KICS2: variants seen among roughly 807,000 people sequenced by gnomAD.
KICS2 encodes KICSTOR subunit 2.
Under a neutral mutation model 31.4 loss-of-function variants are expected in KICS2, and 13 were observed. The ratio of observed to expected loss-of-function variants is 0.41; its 90% CI spans 0.27 to 0.66. The LOEUF (loss-of-function observed/expected upper bound fraction) is 0.66. Among genes scored for constraint, KICS2 ranks in the 30% least tolerant of loss-of-function variants. The pLI is 0.28. For missense variants in KICS2, 455 were observed against 545.4 expected, an observed-to-expected ratio of 0.83 and a Z score of 1.65; for synonymous variants, 209 against 214.8, an observed-to-expected ratio of 0.97 and a Z score of 0.24.
chr12:64,202,508 C>T (rs1052822901), intron 2 of KICS2, among the ~76,000 whole-genome samples: 2 of 151,696 alleles, frequency 1.3e-5, no homozygotes, highest in Non-Finnish European at 1.5e-5. Context: ...TTACTATGTA[C>T]AATGTACTCT....
downstream of KICS2, among the ~76,000 whole-genome samples, chr12:64,188,959 C>T (rs958176689): frequency 7.9e-5 from 12 of 152,074 alleles, no homozygotes; most frequent in African/African-American, 2.7e-4. Flanking sequence ...TGGAGACCAT[C>T]CTGGCCAACA....
At position 64,215,694 on chromosome 12, in the gene KICS2, T is replaced by TC; in HGVS notation, c.504dup (p.Lys169GlufsTer24). Reference sequence around the variant, plus strand: ...CACACTGACCTGGAGCTGTATTTTTTCATGATGGCATCCAAAAGGCCAACG... The same window carrying TC: ...CACACTGACCTGGAGCTGTATTTTTTCCATGATGGCATCCAAAAGGCCAACG... On this transcript the variant is annotated frameshift_variant, in exon 2 of 3. Coordinates refer to ENST00000398055, the MANE Select transcript of KICS2 (RefSeq NM_152440.5). LOFTEE classifies it high-confidence loss of function. 1 of 1,613,366 alleles carries TC rather than the reference T, an allele frequency of 6.2e-7. No homozygotes were observed.
At chr12:64,213,909 T>C (rs368214252) in intron 2 of KICS2, among the ~76,000 whole-genome samples, 244 of 152,332 alleles carry the variant, frequency 1.6e-3, no homozygotes, top group African/African-American at 4.9e-3. Context: ...TCATTATTCC[T>C]GCCATCCTGT....
At chr12:64,203,693 ATT>A (rs1172368483) in intron 2 of KICS2, among the ~76,000 whole-genome samples, 1 of 152,096 alleles carries the variant, frequency 6.6e-6, no homozygotes, top group Non-Finnish European at 1.5e-5. Flanking sequence ...TGTATCTAGA[ATT>A]TTTAAAAAAA....
At chr12:64,189,969 GA>G (rs886901377), downstream of KICS2, among the ~76,000 whole-genome samples, 3 of 149,248 alleles carry the variant, frequency 2.0e-5, no homozygotes, top group East Asian at 1.9e-4. Flanking sequence ...GTAACCAAAG[GA>G]AAAAAAAAGA....
chr12:64,209,062 A>G (rs2037562904), intron 2 of KICS2, among the ~76,000 whole-genome samples: 1 of 152,130 alleles, frequency 6.6e-6, no homozygotes, highest in Non-Finnish European at 1.5e-5. Context: ...GCTTCTTTGG[A>G]AAACAAAAAC....
chr12:64,196,108 G>A (rs1206563593), intron 2 of KICS2, among the ~76,000 whole-genome samples: 1 of 152,232 alleles, frequency 6.6e-6, no homozygotes, highest in African/African-American at 2.4e-5. Flanking sequence ...ACAGCTCAAG[G>A]AGGCCTGCCT....
intron 2 of KICS2, among the ~76,000 whole-genome samples, chr12:64,196,637 C>G (rs1483173752): frequency 6.8e-6 from 1 of 148,130 alleles, no homozygotes; most frequent in Non-Finnish European, 1.5e-5. Flanking sequence ...AGGCTTCAGA[C>G]GATCAAATTA....
chr12:64,207,188 C>T (rs1347236962), intron 2 of KICS2, among the ~76,000 whole-genome samples: 1 of 151,220 alleles, frequency 6.6e-6, no homozygotes, highest in Non-Finnish European at 1.5e-5. Context: ...CCTGTAGTCC[C>T]AGCTACTCGG....
chr12:64,195,019 C>G (rs1469221981), intron 2 of KICS2, among the ~76,000 whole-genome samples: 1 of 151,770 alleles, frequency 6.6e-6, no homozygotes, highest in East Asian at 1.9e-4. Context: ...TCATGGCTCA[C>G]TGCAGCTCAG....
chr12:64,215,736 T>G lies in KICS2; in HGVS notation c.463A>C (p.Ile155Leu), dbSNP rs1254456020. The change falls in exon 2 of 3, where the codon ATC becomes CTC. Residue 155 changes from isoleucine (I) to leucine (L), a missense_variant. Physicochemically the swap from Ile to Leu is conservative, Grantham distance 5 (BLOSUM62 2). Coordinates refer to ENST00000398055, the MANE Select transcript of KICS2 (RefSeq NM_152440.5). ...KMYTLSTQKF[I>L]NAEELVGLLD... is the part of the protein sequence containing the mutation. ...AGGCCAACGAGCTCTTCAGCATTGA[T>G]GAACTTCTGTGTGCTGAGGGTGTAC... The G allele has an allele frequency of 6.8e-6, 11 of 1,613,960 alleles. No homozygotes were observed. The highest frequency in any genetic ancestry group is 1.7e-5 in the Admixed American group (1 of 59,988).
At chr12:64,210,773 T>G (rs769999935) in intron 2 of KICS2, among the ~76,000 whole-genome samples, 1 of 151,956 alleles carries the variant, frequency 6.6e-6, no homozygotes, top group African/African-American at 2.4e-5. Flanking sequence ...CAAGACCTCA[T>G]CTCGAAATAA....
chr12:64,213,897 T>C (rs2037604965), intron 2 of KICS2, among the ~76,000 whole-genome samples: 1 of 152,176 alleles, frequency 6.6e-6, no homozygotes, highest in South Asian at 2.1e-4. Flanking sequence ...GACAGCAACC[T>C]CTCATTATTC....
In KICS2 at chr12:64,222,272, C is replaced by G; in HGVS notation, c.-35G>C. ...GCCCCAGCTCGACCCACGTGGCTCT[C>G]CTCGGCCTCGCACTTCCGGGTTCTG... is the stretch of plus-strand genomic sequence containing the variant. On this transcript the variant is annotated 5_prime_UTR_variant, in exon 1 of 3. Transcript: ENST00000398055. 6.2e-7 allele frequency: 1 copy of G among 1,605,798 alleles called. No individual in the cohort carries two copies. The highest frequency in any genetic ancestry group is 8.5e-7 in the Non-Finnish European group (1 of 1,176,300).
chr12:64,220,399 A>T (rs1420956607), intron 1 of KICS2, among the ~76,000 whole-genome samples: 2 of 152,192 alleles, frequency 1.3e-5, no homozygotes, highest in African/African-American at 4.8e-5. Context: ...AGAGTAGCAG[A>T]TTTTTTTAAA....
At position 64,193,590 on chromosome 12, in the gene KICS2, A is replaced by G; in HGVS notation, c.*252T>C. 8.1e-7 allele frequency: 1 copy of G among 1,232,806 alleles called. No individual in the cohort carries two copies. The allele number at this position is 1,232,806 out of a possible 1,614,324, so 76.4% of individuals were successfully genotyped here. A position where few individuals can be genotyped will look rare whatever the true frequency, so the allele number is the denominator to read the frequency against. On this transcript the variant is annotated 3_prime_UTR_variant, in exon 3 of 3. Transcript: ENST00000398055. ...TACAAGAAATATAGCAAAATAGGGG[A>G]AAATACTGAAACTACTTTGCTGTAC... is the stretch of plus-strand genomic sequence containing the variant.
At chr12:64,213,324 T>C (rs2136704278) in intron 2 of KICS2, among the ~76,000 whole-genome samples, 1 of 152,100 alleles carries the variant, frequency 6.6e-6, no homozygotes, top group African/African-American at 2.4e-5. Context: ...ATAAAAAACA[T>C]CTCAATTTTT....
chr12:64,212,858 G>C (rs558423453), intron 2 of KICS2, among the ~76,000 whole-genome samples: 124 of 152,212 alleles, frequency 8.1e-4, no homozygotes, highest in African/African-American at 2.9e-3. Flanking sequence ...GGGAGGCTGA[G>C]GTGGGTGGAT....
intron 2 of KICS2, among the ~76,000 whole-genome samples, chr12:64,214,872 T>C (rs1047743933): frequency 1.6e-4 from 25 of 152,110 alleles, no homozygotes; most frequent in African/African-American, 5.8e-4. Context: ...ATCTAAACTG[T>C]ATGGCAGAAA....
Sources: gnomAD v4.1 joint callset for allele counts (sites outside exome capture counted in the v4.1 genomes callset) on GRCh38, gnomAD v4.1.1 for gene constraint, MANE v1.5 for transcripts, NCBI Gene and HGNC (gene_info 2026-07-23, HGNC 2026-07-21) for gene names.